The following SH3TC1 variants were observed in gnomAD, a reference collection of about 807,000 sequenced individuals.
The protein encoded by SH3TC1 is SH3 domain and tetratricopeptide repeats 1.
A neutral mutation model predicts 117.3 loss-of-function variants in SH3TC1; 135 were observed. The observed-to-expected ratio is 1.15, with a 90% confidence interval of 1.00 to 1.33. The LOEUF is 1.33. Ranked by LOEUF, SH3TC1 falls within the 40% of genes most tolerant of loss-of-function variation. The pLI is 0.00. For missense variants in SH3TC1, 2,092 were observed against 1,794.3 expected (o/e 1.17, Z -3.00); for synonymous variants, 898 against 816.9 (o/e 1.10, Z -1.69).
At position 8,228,620 on chromosome 4, in the gene SH3TC1, G is replaced by A. The variant is rs184765514; in HGVS notation, c.2926G>A (p.Ala976Thr). The change falls in exon 12 of 18, where the codon GCC (alanine) becomes ACC (threonine). Residue 976 changes from alanine (A) to threonine (T), a missense_variant. Transcript: ENST00000245105. The stretch of plus-strand genomic sequence containing the variant: ...CTACTACGAGTGGGCCCTTCTGGTC[G>A]CCGTGGAGATGGGCCACGTGGAGAG... ...KGYYEWALLV[A>T]VEMGHVESQL... is the part of the protein sequence containing the mutation. 2,121 of 1,519,998 alleles carry A rather than the reference G, an allele frequency of 1.4e-3. 15 individuals are homozygous for A. The highest frequency in any genetic ancestry group is 1.7e-3 in the Middle Eastern group (8 of 4,802). 94.2% of individuals were successfully genotyped at this position (1,519,998 alleles called of 1,614,324 possible).
In SH3TC1 at chr4:8,227,504, T is replaced by C; in HGVS notation, c.1810T>C (p.Tyr604His). Reference protein sequence around the residue: ...FGDLFLVVAVYANLASIYRKQ... With the variant: ...FGDLFLVVAVHANLASIYRKQ... Reference sequence around the variant, plus strand: ...GGACCTGTTCCTAGTGGTGGCTGTGTACGCCAACCTGGCCAGCATTTACCG... The same window carrying C: ...GGACCTGTTCCTAGTGGTGGCTGTGCACGCCAACCTGGCCAGCATTTACCG... Residue 604 changes from tyrosine to histidine, a missense_variant, in exon 12 of 18, where the codon TAC (tyrosine) becomes CAC (histidine). Tyr to His is a moderately conservative substitution (Grantham distance 83). Coordinates refer to ENST00000245105, the MANE Select transcript of SH3TC1 (RefSeq NM_018986.5). 6.4e-7 allele frequency: 1 copy of C among 1,553,756 alleles called. No individual in the cohort carries two copies. The highest frequency in any genetic ancestry group is 8.7e-7 in the Non-Finnish European group (1 of 1,155,936).
rs186463523 is a variant in SH3TC1 at position 8,229,499 on chromosome 4, G to A, written c.2950+855G>A. On this transcript the variant is annotated intron_variant, in intron 12 of 17. Coordinates refer to ENST00000245105, the MANE Select transcript of SH3TC1 (RefSeq NM_018986.5). The stretch of plus-strand genomic sequence containing the variant: ...GGGGGTGAGCAGGGGGTGAGTGAGC[G>A]GGGGTGTGAGCGGGTGAGCGGGGAT... 8.1e-3 allele frequency among the ~76,000 whole-genome samples: 1,051 copies of A among 129,990 alleles called. 18 individuals are homozygous for A. Among genetic ancestry groups the A allele is most frequent in the African/African-American group, 0.027 (910 of 33,204 alleles). 85.3% of individuals were successfully genotyped at this position (129,990 alleles called of 152,430 possible). A position where few individuals can be genotyped will look rare whatever the true frequency, so the allele number is the denominator to read the frequency against.
At position 8,205,430 on chromosome 4, in the gene SH3TC1, C is replaced by T. The variant is rs758448554; in HGVS notation, c.172+64C>T. 7.1e-6 allele frequency: 11 copies of T among 1,542,434 alleles called. No homozygotes were observed. Among genetic ancestry groups the T allele is most frequent in the Middle Eastern group, 2.2e-4 (1 of 4,516 alleles). On this transcript the variant is annotated intron_variant, in intron 2 of 17. Coordinates refer to ENST00000245105, the MANE Select transcript of SH3TC1 (RefSeq NM_018986.5). This position sits in a 1 kb window ranked among gnomAD's most constrained non-coding sequence, Gnocchi z 5.4. Reference sequence around the variant, plus strand: ...ACCCACTTCTCCACCCCACCCGCCCCGTCCATCCATCCCTCACCACCCTGC... The same window carrying T: ...ACCCACTTCTCCACCCCACCCGCCCTGTCCATCCATCCCTCACCACCCTGC...
intron 5 of SH3TC1, among the ~76,000 whole-genome samples, chr4:8,214,871 A>C (rs887626626): frequency 7.9e-5 from 12 of 152,152 alleles, no homozygotes; most frequent in African/African-American, 2.9e-4. Context: ...TTTTTAGTAG[A>C]GATGGGGTTT....
In SH3TC1 at chr4:8,237,515, G is replaced by T. The variant is rs149203434; in HGVS notation, c.3598G>T (p.Ala1200Ser). The change falls in exon 17 of 18, where the codon GCC becomes TCC. Residue 1200 changes from alanine (A) to serine (S), a missense_variant. Transcript: ENST00000245105. ...GCGCGTGGCCTACCACCGGCTGGCC[G>T]CCCTGCAACACCGACTGGGCCATGG... ...NERVAYHRLA[A>S]LQHRLGHGEL... The T allele has an allele frequency of 1.2e-6, 2 of 1,604,384 alleles. No homozygotes were observed. Among genetic ancestry groups the T allele is most frequent in the Non-Finnish European group, 1.7e-6 (2 of 1,176,010 alleles).
rs1332900614 is a variant in SH3TC1, at chr4:8,192,183, G to A, written c.-57+9973G>A. Among the ~76,000 whole-genome samples the A allele has an allele frequency of 1.3e-5, 2 of 151,778 alleles. No individual in the cohort carries two copies. Among genetic ancestry groups the A allele is most frequent in the Admixed American group, 6.6e-5 (1 of 15,222 alleles). On this transcript the variant is annotated intron_variant, in intron 1 of 16. Transcript: ENST00000508641. This position sits in a 1 kb window ranked among gnomAD's most constrained non-coding sequence, Gnocchi z 4.1. ...TTTTGTATTTTTTTTTATTAGAGATGGGATTTCACCATGTGGGCCAGGCTG... is the reference window on the plus strand; with the variant it reads ...TTTTGTATTTTTTTTTATTAGAGATAGGATTTCACCATGTGGGCCAGGCTG...
At position 8,205,524 on chromosome 4, in the gene SH3TC1, G is replaced by A. The variant is rs1374075275; in HGVS notation, c.172+158G>A. The A allele has an allele frequency of 1.4e-5, 15 of 1,077,388 alleles. No individual in the cohort carries two copies. The highest frequency in any genetic ancestry group is 1.2e-4 in the South Asian group (10 of 80,622). The allele number at this position is 1,077,388 out of a possible 1,614,324, so 66.7% of individuals were successfully genotyped here. A position where few individuals can be genotyped will look rare whatever the true frequency, so the allele number is the denominator to read the frequency against. ...ATCACTTCTCGTTTCCTTCCCCCGCGTGTGTTTAACAGGAGCCACTGTGCC... is the reference window on the plus strand; with the variant it reads ...ATCACTTCTCGTTTCCTTCCCCCGCATGTGTTTAACAGGAGCCACTGTGCC... On this transcript the variant is annotated intron_variant, in intron 2 of 17. Coordinates refer to ENST00000245105, the MANE Select transcript of SH3TC1 (RefSeq NM_018986.5). The surrounding 1 kb of genome is among the most constrained non-coding windows in gnomAD (Gnocchi z 5.4).
At chr4:8,199,670 TG>T in intron 1 of SH3TC1, among the ~76,000 whole-genome samples, 1 of 152,280 alleles carries the variant, frequency 6.6e-6, no homozygotes, top group African/African-American at 2.4e-5. Flanking sequence ...CCCTTGCTTC[TG>T]GGACCTGGCC....
chr4:8,186,422 T>C lies in SH3TC1; in HGVS notation c.-57+4212T>C, dbSNP rs547653840. 6.6e-6 allele frequency among the ~76,000 whole-genome samples: 1 copy of C among 152,252 alleles called. No homozygotes were observed. Among genetic ancestry groups the C allele is most frequent in the South Asian group, 2.1e-4 (1 of 4,814 alleles). ...GTGGTGTCCCCCATGGGCTTCTGCG[T>C]GGAGCAGAAGACGGATGTTAGGGGA... is the stretch of plus-strand genomic sequence containing the variant. On this transcript the variant is annotated intron_variant, in intron 1 of 16. Coordinates refer to the SH3TC1 transcript ENST00000508641. This position sits in a 1 kb window ranked among gnomAD's most constrained non-coding sequence, Gnocchi z 5.2.
intron 2 of SH3TC1, among the ~76,000 whole-genome samples, chr4:8,208,258 A>C (rs2152980901): frequency 6.6e-6 from 1 of 152,346 alleles, no homozygotes; most frequent in African/African-American, 2.4e-5. Flanking sequence ...CGTTCTTCTT[A>C]GCCCATGGGG....
intron 9 of SH3TC1, among the ~76,000 whole-genome samples, chr4:8,220,342 A>G (rs772549428): frequency 6.7e-6 from 1 of 150,278 alleles, no homozygotes; most frequent in African/African-American, 2.5e-5. Context: ...CTCTCCCTGA[A>G]CCCCGTGTTC....
Position 8,227,295 on chromosome 4 carries a change from G to A in SH3TC1, c.1601G>A (p.Ser534Asn). The A allele has an allele frequency of 6.2e-7, 1 of 1,609,312 alleles. No individual in the cohort carries two copies. The highest frequency in any genetic ancestry group is 8.5e-7 in the Non-Finnish European group (1 of 1,178,476). Residue 534 changes from serine (S) to asparagine (N), a missense_variant, in exon 12 of 18, where the codon AGC (serine) becomes AAC (asparagine). Coordinates refer to ENST00000245105, the MANE Select transcript of SH3TC1 (RefSeq NM_018986.5). ...PWLSSVFRSF[S>N]DEEELTGRLA... ...CTGAGCAGCGTGTTCCGCAGCTTCA[G>A]CGACGAGGAGGAGCTGACTGGGCGC...
In SH3TC1 at chr4:8,183,103, C is replaced by T. The variant is rs893148634; in HGVS notation, c.-57+893C>T. On this transcript the variant is annotated intron_variant, in intron 1 of 16. Transcript: ENST00000508641. The surrounding 1 kb of genome is among the most constrained non-coding windows in gnomAD (Gnocchi z 5.4). ...GGCAAGGGGTGGGGCCTCTGTGAGC[C>T]TCAGTTTCTCAGCATGCCATCCGCC... Among the ~76,000 whole-genome samples, 1 of 152,144 alleles carries T rather than the reference C, an allele frequency of 6.6e-6. No individual in the cohort carries two copies. The highest frequency in any genetic ancestry group is 2.4e-5 in the African/African-American group (1 of 41,428).
chr4:8,187,558 T>TC (rs1717265694), intron 1 of SH3TC1, among the ~76,000 whole-genome samples: 1 of 151,268 alleles, frequency 6.6e-6, no homozygotes, highest in African/African-American at 2.4e-5. Context: ...TCTTTTCTTT[T>TC]TTTTTTTTTT....
At position 8,217,911 on chromosome 4, in the gene SH3TC1, C is replaced by T. The variant is rs535375697; in HGVS notation, c.840-360C>T. The stretch of plus-strand genomic sequence containing the variant: ...GTCACAGTGGTACTAGGATTTGAAT[C>T]CAGGCCTCCAGAGCCCCAGGCTGGG... On this transcript the variant is annotated intron_variant, in intron 7 of 17. Coordinates refer to ENST00000245105, the MANE Select transcript of SH3TC1 (RefSeq NM_018986.5). Among the ~76,000 whole-genome samples, 210 of 152,314 alleles carry T rather than the reference C, an allele frequency of 1.4e-3. 1 individual carries two copies. The highest frequency in any genetic ancestry group is 3.8e-3 in the African/African-American group (157 of 41,566).
chr4:8,196,126 C>T (rs898741253), upstream of SH3TC1, among the ~76,000 whole-genome samples: 1 of 152,254 alleles, frequency 6.6e-6, no homozygotes, highest in Admixed American at 6.5e-5. The surrounding 1 kb of genome is among the most constrained non-coding windows in gnomAD (Gnocchi z 4.6). Context: ...CTCAGTGCAA[C>T]TGAGGTGTGC....
intron 9 of SH3TC1, among the ~76,000 whole-genome samples, chr4:8,222,098 C>T (rs1295070226): frequency 6.6e-6 from 1 of 152,072 alleles, no homozygotes; most frequent in Non-Finnish European, 1.5e-5. Flanking sequence ...TGAGAGTGCC[C>T]TGAGTGTATG....
At chr4:8,237,356 C>G in intron 16 of SH3TC1, 118 bp from the exon 17 acceptor site, 1 of 783,400 alleles carries the variant, frequency 1.3e-6, no homozygotes, top group Non-Finnish European at 1.9e-6. Context: ...TGGGAAGGGA[C>G]TGGCCAGAAC....
chr4:8,236,937 G>A (rs1231313565), intron 16 of SH3TC1: 2 of 161,980 alleles, frequency 1.2e-5, no homozygotes, highest in African/African-American at 4.8e-5. Context: ...TTGTGGCCCA[G>A]GGCCTGGTAC....
Sources: gnomAD v4.1 joint callset for allele counts (sites outside exome capture counted in the v4.1 genomes callset) on GRCh38, gnomAD v4.1.1 for gene constraint, Gnocchi (gnomAD v3.1) non-coding constraint, MANE v1.5 for transcripts, NCBI Gene and HGNC (gene_info 2026-07-23, HGNC 2026-07-21) for gene names.